TAFA2: variants seen among roughly 807,000 people sequenced by gnomAD.
The protein encoded by TAFA2 is TAFA chemokine like family member 2.
TAFA2 carries 7 observed loss-of-function variants against 18.8 expected under a neutral mutation model. The ratio of observed to expected loss-of-function variants is 0.37; its 90% CI spans 0.21 to 0.70. TAFA2 has a LOEUF of 0.70. Among genes scored for constraint, TAFA2 ranks in the 30% least tolerant of loss-of-function variants. The pLI is 0.53. For missense variants in TAFA2, 122 were observed against 158.1 expected, an observed-to-expected ratio of 0.77 and a Z score of 1.23; for synonymous variants, 60 against 54.2, an observed-to-expected ratio of 1.11 and a Z score of -0.47.
chr12:61,833,976 G>T (rs1255176571), intron 2 of TAFA2, among the ~76,000 whole-genome samples: 1 of 151,936 alleles, frequency 6.6e-6, no homozygotes, highest in African/African-American at 2.4e-5. Flanking sequence ...TTCCTGCATG[G>T]TTCAAGCCAA....
intron 1 of TAFA2, among the ~76,000 whole-genome samples, chr12:62,047,799 T>C (rs9669425): frequency 0.42 from 64,135 of 151,970 alleles, 14,325 homozygotes; most frequent in Middle Eastern, 0.57. Context: ...TTCAAGATTA[T>C]AGTTCCAGAT....
chr12:61,752,602 T>C (rs1373191081), intron 4 of TAFA2, among the ~76,000 whole-genome samples: 5 of 152,024 alleles, frequency 3.3e-5, no homozygotes, highest in African/African-American at 1.2e-4. Flanking sequence ...AAAAATTTCA[T>C]GAAATATGTT....
intron 1 of TAFA2, among the ~76,000 whole-genome samples, chr12:62,208,262 G>T (rs986401873): frequency 9.2e-5 from 14 of 152,082 alleles, no homozygotes; most frequent in African/African-American, 3.1e-4. Flanking sequence ...CATTTCAGGG[G>T]TCAAGGACAT....
intron 1 of TAFA2, among the ~76,000 whole-genome samples, chr12:61,885,906 C>T (rs1236735310): frequency 3.3e-5 from 5 of 152,116 alleles, no homozygotes; most frequent in Admixed American, 1.3e-4. Flanking sequence ...AAATGATTCT[C>T]TTCTCCTTCC....
intron 1 of TAFA2, chr12:62,145,773 T>C (rs961594488): frequency 1.3e-5 from 2 of 152,232 alleles, no homozygotes; most frequent in African/African-American, 4.8e-5. Context: ...TGCACATGAA[T>C]TCTCTAGCTG....
chr12:61,752,933 G>C (rs1046051494), intron 4 of TAFA2, among the ~76,000 whole-genome samples: 8 of 151,654 alleles, frequency 5.3e-5, no homozygotes, highest in Admixed American at 3.3e-4. Flanking sequence ...ATTCTATAAA[G>C]AAAAGAATTC....
intron 1 of TAFA2, among the ~76,000 whole-genome samples, chr12:62,103,809 G>T (rs999174265): frequency 2.6e-5 from 4 of 151,698 alleles, no homozygotes; most frequent in Non-Finnish European, 1.5e-5. Context: ...GGGCAGGATG[G>T]TATGCATTGA....
chr12:62,123,314 C>A (rs917660536), intron 1 of TAFA2, among the ~76,000 whole-genome samples: 3 of 151,946 alleles, frequency 2.0e-5, no homozygotes, highest in Non-Finnish European at 4.4e-5. Context: ...TTCACCTAAA[C>A]TTAAATAATC....
chr12:61,764,796 G>A (rs1278104940), intron 2 of TAFA2, among the ~76,000 whole-genome samples: 2 of 151,996 alleles, frequency 1.3e-5, no homozygotes, highest in South Asian at 2.1e-4. Context: ...AGAAACTGAG[G>A]AGTTTATGAA....
chr12:62,076,515 A>G (rs1868249424), intron 1 of TAFA2, among the ~76,000 whole-genome samples: 1 of 151,982 alleles, frequency 6.6e-6, no homozygotes, highest in Admixed American at 6.6e-5. Context: ...CAATTCATCT[A>G]CTCCAATGAA....
intron 1 of TAFA2, among the ~76,000 whole-genome samples, chr12:61,870,344 G>T (rs1039756718): frequency 1.3e-5 from 2 of 152,068 alleles, no homozygotes; most frequent in African/African-American, 4.8e-5. Flanking sequence ...CCACCAAATT[G>T]CCCTCCTATG....
intron 1 of TAFA2, among the ~76,000 whole-genome samples, chr12:62,038,465 T>A (rs1207730861): frequency 6.6e-6 from 1 of 152,152 alleles, no homozygotes; most frequent in South Asian, 2.1e-4. Context: ...ACTATGTACA[T>A]AGCATTTACA....
intron 1 of TAFA2, among the ~76,000 whole-genome samples, chr12:62,085,553 C>T (rs147470600): frequency 2.6e-4 from 39 of 152,064 alleles, no homozygotes; most frequent in African/African-American, 9.2e-4. Context: ...CATTTAAATG[C>T]CTTCTTTTAT....
At chr12:61,738,642 A>T (rs981486531) in intron 4 of TAFA2, among the ~76,000 whole-genome samples, 11 of 152,072 alleles carry the variant, frequency 7.2e-5, no homozygotes, top group Admixed American at 1.3e-4. Context: ...GTAGTCCAAC[A>T]GTCCCCACCT....
At chr12:61,853,628 C>A (rs188797825) in intron 2 of TAFA2, among the ~76,000 whole-genome samples, 165 of 152,232 alleles carry the variant, frequency 1.1e-3, no homozygotes, top group Non-Finnish European at 1.5e-3. Context: ...TAAGTGGGAG[C>A]ATTTCTGAAA....
At chr12:61,997,084 A>G (rs975603305) in intron 1 of TAFA2, among the ~76,000 whole-genome samples, 1 of 152,108 alleles carries the variant, frequency 6.6e-6, no homozygotes, top group Non-Finnish European at 1.5e-5. Context: ...GAAACAAAAA[A>G]TAATAAACAA....
intron 1 of TAFA2, among the ~76,000 whole-genome samples, chr12:61,918,584 T>G (rs2121359452): frequency 6.6e-6 from 1 of 152,238 alleles, no homozygotes; most frequent in Non-Finnish European, 1.5e-5. Flanking sequence ...GTTTCCAAAT[T>G]GTGGCTATTG....
rs1215395285 is a variant in TAFA2, at chr12:61,709,473, A to G, written c.*933T>C. On this transcript the variant is annotated 3_prime_UTR_variant, in exon 5 of 5. Transcript: ENST00000416284. ...AATACTGGAAGAAATCTAAGTGAAT[A>G]ATGTTCAAGCTAAGAAATCAGAAAC... 6.6e-6 allele frequency: 1 copy of G among 152,128 alleles called. No individual in the cohort carries two copies. Among genetic ancestry groups the G allele is most frequent in the Non-Finnish European group, 1.5e-5 (1 of 68,004 alleles). The allele number at this position is 152,128 out of a possible 1,614,324, so 9.4% of individuals were successfully genotyped here.
At chr12:62,086,081 T>C (rs963494481) in intron 1 of TAFA2, among the ~76,000 whole-genome samples, 2 of 152,064 alleles carry the variant, frequency 1.3e-5, no homozygotes, top group Non-Finnish European at 2.9e-5. Context: ...TGCAGAACCA[T>C]GAGCGAATTG....
Sources: allele counts gnomAD v4.1 joint callset (sites outside exome capture counted in the v4.1 genomes callset), GRCh38; gene constraint gnomAD v4.1.1; transcripts MANE v1.5; gene names NCBI Gene and HGNC (gene_info 2026-07-23, HGNC 2026-07-21).